The following ALG8 variants were observed in gnomAD, a reference collection of about 807,000 sequenced individuals.
ALG8 encodes the protein ALG8 alpha-1,3-glucosyltransferase, also known as dolichyl pyrophosphate Glc1Man9GlcNAc2 alpha-1,3-glucosyltransferase.
A neutral mutation model predicts 70.2 loss-of-function variants in ALG8; 48 were observed. The ratio of observed to expected loss-of-function variants is 0.68; its 90% CI spans 0.54 to 0.87. The LOEUF is 0.87. ALG8 is among the 40% of genes least tolerant of loss of function. The pLI is 0.00. For missense variants in ALG8, 572 were observed against 608.7 expected (o/e 0.94, Z 0.64); for synonymous variants, 234 against 229.0 (o/e 1.02, Z -0.20).
At chr11:78,104,284 T>A in intron 11 of ALG8, 72 bp downstream of exon 11, 1 of 1,313,726 alleles carries the variant, frequency 7.6e-7, no homozygotes, top group Middle Eastern at 1.9e-4. Context: ...TTAAATTAGA[T>A]GTATTAATCT....
At chr11:78,117,576 C>T (rs1860631109) in intron 5 of ALG8, among the ~76,000 whole-genome samples, 1 of 147,160 alleles carries the variant, frequency 6.8e-6, no homozygotes, top group Non-Finnish European at 1.5e-5. Flanking sequence ...AGTTTAAGAC[C>T]AGCCTGGACA....
chr11:78,130,824 A>G (rs1016176125), intron 1 of ALG8, among the ~76,000 whole-genome samples: 1 of 151,794 alleles, frequency 6.6e-6, no homozygotes, highest in Non-Finnish European at 1.5e-5. Flanking sequence ...TTTTTTTCTG[A>G]AATTTTTTTA....
intron 10 of ALG8, among the ~76,000 whole-genome samples, chr11:78,106,592 A>C (rs1380278020): frequency 1.3e-5 from 2 of 152,168 alleles, no homozygotes; most frequent in African/African-American, 2.4e-5. Flanking sequence ...CTTTCCAAAA[A>C]CGCAGAAACA....
At position 78,139,620 on chromosome 11, in the gene ALG8, G is replaced by C. The variant is rs1046170479; in HGVS notation, c.-32C>G. 1 of 1,546,204 alleles carries C rather than the reference G, an allele frequency of 6.5e-7. No homozygotes were observed. The highest frequency in any genetic ancestry group is 1.2e-5 in the South Asian group (1 of 83,950). On this transcript the variant is annotated 5_prime_UTR_variant, in exon 1 of 13. It adds an upstream start codon to the 5' untranslated region. Coordinates refer to ENST00000299626, the MANE Select transcript of ALG8 (RefSeq NM_024079.5). ...GGCACCGCACGCTTCCCACCAACTT[G>C]ATCCACATCCGGGATCCCGCGCATG...
chr11:78,139,299 C>G, intron 1 of ALG8, 195 bp downstream of exon 1: 1 of 618,808 alleles, frequency 1.6e-6, no homozygotes, highest in Non-Finnish European at 2.9e-6. Context: ...AATCAGACAG[C>G]GCCAGGTCTG....
At chr11:78,108,963 A>C (rs1860163904) in intron 9 of ALG8, among the ~76,000 whole-genome samples, 1 of 152,236 alleles carries the variant, frequency 6.6e-6, no homozygotes, top group East Asian at 1.9e-4. Context: ...CTCTAAGAGC[A>C]TCTTACTCAT....
At chr11:78,131,297 A>G (rs1472832662) in intron 1 of ALG8, among the ~76,000 whole-genome samples, 2 of 152,030 alleles carry the variant, frequency 1.3e-5, no homozygotes, top group Non-Finnish European at 2.9e-5. Context: ...ACTTTTTTAA[A>G]TTGCATTAAC....
In ALG8 at chr11:78,127,712, C is replaced by CTTTTTT. The variant is rs1192507872; in HGVS notation, c.96-282_96-277dup. Among the ~76,000 whole-genome samples the CTTTTTT allele has an allele frequency of 7.5e-4, 100 of 132,894 alleles. 4 individuals carry two copies. Among genetic ancestry groups the CTTTTTT allele is most frequent in the Middle Eastern group, 8.5e-3 (2 of 236 alleles). 87.2% of individuals were successfully genotyped at this position (132,894 alleles called of 152,430 possible). A position where few individuals can be genotyped will look rare whatever the true frequency, so the allele number is the denominator to read the frequency against. On this transcript the variant is annotated intron_variant, in intron 1 of 12. Transcript: ENST00000299626. The stretch of plus-strand genomic sequence containing the variant: ...AGCCCAGACTTTCTCTTTTTCTTTT[C>CTTTTTT]TTTTTTTTTTTTTTTGAGGCGGAGT...
At chr11:78,119,632 T>A (rs1860732935) in intron 4 of ALG8, among the ~76,000 whole-genome samples, 2 of 152,154 alleles carry the variant, frequency 1.3e-5, no homozygotes, top group Non-Finnish European at 2.9e-5. Flanking sequence ...GGTTTCACTA[T>A]GTTGGCCAGG....
At chr11:78,126,985 T>A (rs112710487) in intron 2 of ALG8, among the ~76,000 whole-genome samples, 6 of 89,328 alleles carry the variant, frequency 6.7e-5, no homozygotes, top group East Asian at 3.9e-4. Flanking sequence ...TGCAAGAAAA[T>A]TTTTTTTTTT....
intron 8 of ALG8, among the ~76,000 whole-genome samples, chr11:78,109,922 C>A (rs1860205827): frequency 6.6e-6 from 1 of 152,136 alleles, no homozygotes; most frequent in East Asian, 1.9e-4. Context: ...TCCTTCATCT[C>A]CTATGGGAGA....
rs779744393 is a variant in ALG8 at position 78,109,535 on chromosome 11, T to C, written c.945A>G (p.Ser315=). The C allele has an allele frequency of 1.2e-6, 2 of 1,614,150 alleles. No homozygotes were observed. Among genetic ancestry groups the C allele is most frequent in the Middle Eastern group, 1.6e-4 (1 of 6,062 alleles). Residue 315 remains serine (S), a synonymous_variant, in exon 9 of 13, where the codon TCA becomes TCG. Coordinates refer to ENST00000299626, the MANE Select transcript of ALG8 (RefSeq NM_024079.5). ...FLDPNNIPKA[S]MTSGLVQQFQ... Reference sequence around the variant, plus strand: ...ACTGCTGAACCAAACCACTTGTCATTGAGGCCTTGGGAATATTGTTGGGAT... The same window carrying C: ...ACTGCTGAACCAAACCACTTGTCATCGAGGCCTTGGGAATATTGTTGGGAT...
At chr11:78,130,053 G>C (rs999029322) in intron 1 of ALG8, among the ~76,000 whole-genome samples, 1 of 152,068 alleles carries the variant, frequency 6.6e-6, no homozygotes, top group African/African-American at 2.4e-5. Context: ...AACCTATGCG[G>C]TTAAAAGAAC....
At position 78,101,058 on chromosome 11, in the gene ALG8, G is replaced by A. The variant is rs878976360; in HGVS notation, c.1487C>T (p.Ser496Leu). The A allele has an allele frequency of 6.2e-7, 1 of 1,614,186 alleles. No individual in the cohort carries two copies. Among genetic ancestry groups the A allele is most frequent in the South Asian group, 1.1e-5 (1 of 91,078 alleles). ...KYPFIPLLLT[S>L]VYCAVGITYA... Reference sequence around the variant, plus strand: ...TGTGATGCCTACTGCACAATACACTGAGGTTAGTAACAAAGGGATGAAGGG... The same window carrying A: ...TGTGATGCCTACTGCACAATACACTAAGGTTAGTAACAAAGGGATGAAGGG... Residue 496 changes from serine to leucine, a missense_variant, in exon 13 of 13, where the codon TCA (serine) becomes TTA (leucine). By Grantham distance (145) the Ser-to-Leu change is moderately radical. Coordinates refer to ENST00000299626, the MANE Select transcript of ALG8 (RefSeq NM_024079.5).
At chr11:78,109,132 A>G (rs1471047339) in intron 9 of ALG8, among the ~76,000 whole-genome samples, 4 of 152,040 alleles carry the variant, frequency 2.6e-5, no homozygotes, top group Non-Finnish European at 5.9e-5. Flanking sequence ...TGCCACAAAC[A>G]TTTCCTTCTT....
chr11:78,105,536 GCT>G (rs1438604951), intron 10 of ALG8, among the ~76,000 whole-genome samples: 1 of 151,758 alleles, frequency 6.6e-6, no homozygotes, highest in African/African-American at 2.4e-5. Flanking sequence ...TGTTTTGTTG[GCT>G]CACATCTGCA....
intron 7 of ALG8, 70 bp downstream of exon 7, chr11:78,113,816 G>T: frequency 8.1e-7 from 1 of 1,241,864 alleles, no homozygotes; most frequent in Non-Finnish European, 1.1e-6. Flanking sequence ...CATATTCCTG[G>T]CTTTATTAGG....
intron 10 of ALG8, among the ~76,000 whole-genome samples, chr11:78,104,912 C>T (rs916887036): frequency 2.7e-5 from 4 of 150,904 alleles, no homozygotes; most frequent in African/African-American, 7.3e-5. Context: ...TGCAGTGAGC[C>T]GAGATCGCGC....
rs527373987 is a variant in ALG8, at chr11:78,108,882, T to C, written c.1038+560A>G. ...ATTGAATTCTACTAAAATTATACCA[T>C]GAAATTGAGGTCACTGCAATCACTA... On this transcript the variant is annotated intron_variant, in intron 9 of 12. Coordinates refer to ENST00000299626, the MANE Select transcript of ALG8 (RefSeq NM_024079.5). 1.4e-4 allele frequency among the ~76,000 whole-genome samples: 21 copies of C among 152,326 alleles called. No individual in the cohort carries two copies. The East Asian group carries it at 1.9e-3, about 14-fold the overall frequency.
Sources: gnomAD v4.1 joint callset for allele counts (sites outside exome capture counted in the v4.1 genomes callset) on GRCh38, gnomAD v4.1.1 for gene constraint, MANE v1.5 for transcripts, NCBI Gene and HGNC (gene_info 2026-07-23, HGNC 2026-07-21) for gene names.